The following TGFBR2 variants were observed in gnomAD, a reference collection of about 807,000 sequenced individuals.
TGFBR2 encodes transforming growth factor beta receptor 2, also known as TGF-beta receptor type-2.
A neutral mutation model predicts 49.0 loss-of-function variants in TGFBR2; 18 were observed. That is an observed-to-expected ratio of 0.37 (90% CI 0.25 to 0.54). TGFBR2 has a LOEUF of 0.54. Among genes scored for constraint, TGFBR2 ranks in the 20% least tolerant of loss-of-function variants. The pLI, the probability that TGFBR2 is intolerant of heterozygous loss-of-function variation, is 0.85. For missense variants in TGFBR2, 525 were observed against 722.6 expected (o/e 0.73, Z 3.13); for synonymous variants, 282 against 275.9 (o/e 1.02, Z -0.22).
rs760268589 is a variant in TGFBR2, at chr3:30,671,705, A to G, written c.522A>G (p.Pro174=). The change falls in exon 4 of 7, where the codon CCA becomes CCG. Residue 174 remains proline, a synonymous_variant. Transcript: ENST00000295754. Reference sequence around the variant, plus strand: ...AAGTGACAGGCATCAGCCTCCTGCCACCACTGGGAGTTGCCATATCTGTCA... The same window carrying G: ...AAGTGACAGGCATCAGCCTCCTGCCGCCACTGGGAGTTGCCATATCTGTCA... The part of the protein sequence containing the change: ...IFQVTGISLL[P]PLGVAISVII... The G allele has an allele frequency of 7.4e-6, 12 of 1,614,148 alleles. No homozygotes were observed. The highest frequency in any genetic ancestry group is 1.0e-5 in the Non-Finnish European group (12 of 1,180,024).
intron 1 of TGFBR2, among the ~76,000 whole-genome samples, chr3:30,614,643 C>G (rs771159410): frequency 1.3e-5 from 2 of 152,206 alleles, no homozygotes; most frequent in Non-Finnish European, 2.9e-5. Flanking sequence ...TTATTGAGGT[C>G]TTGCTACTGC....
At chr3:30,648,462 A>ACACACCC (rs71786414) in intron 2 of TGFBR2, among the ~76,000 whole-genome samples, 1 of 149,766 alleles carries the variant, frequency 6.7e-6, no homozygotes, top group Non-Finnish European at 1.5e-5. Flanking sequence ...ACACACACAC[A>ACACACCC]AAACTGTGGG....
At chr3:30,659,006 A>G (rs3773637) in intron 3 of TGFBR2, among the ~76,000 whole-genome samples, 103,497 of 152,104 alleles carry the variant, frequency 0.68, 35,846 homozygotes, top group Non-Finnish European at 0.74. Flanking sequence ...ATCTCATTTT[A>G]TGTTTGTTCA....
chr3:30,620,860 T>C (rs1227714006), intron 1 of TGFBR2, among the ~76,000 whole-genome samples: 1 of 152,208 alleles, frequency 6.6e-6, no homozygotes, highest in African/African-American at 2.4e-5. Flanking sequence ...TCTACCTACC[T>C]GAGGGTAAAT....
chr3:30,640,083 AGG>A (rs1698616577), intron 1 of TGFBR2, among the ~76,000 whole-genome samples: 1 of 152,208 alleles, frequency 6.6e-6, no homozygotes, highest in South Asian at 2.1e-4. Context: ...CTCTGTCTGT[AGG>A]CAGTGAGTGT....
At chr3:30,650,777 T>C (rs761572944) in intron 3 of TGFBR2, among the ~76,000 whole-genome samples, 70 of 152,320 alleles carry the variant, frequency 4.6e-4, no homozygotes, top group Middle Eastern at 3.4e-3. Context: ...TAAATGCAGA[T>C]TCTCAGGCCC....
chr3:30,643,366 C>T (rs1698677489), intron 1 of TGFBR2, among the ~76,000 whole-genome samples: 1 of 152,178 alleles, frequency 6.6e-6, no homozygotes, highest in Non-Finnish European at 1.5e-5. Context: ...GCCTAGTAGC[C>T]TTGTCATACT....
intron 3 of TGFBR2, among the ~76,000 whole-genome samples, chr3:30,658,502 C>T (rs986783990): frequency 6.6e-6 from 1 of 152,058 alleles, no homozygotes; most frequent in African/African-American, 2.4e-5. Context: ...ACTTCTGACT[C>T]AAAGTTCAAT....
intron 3 of TGFBR2, among the ~76,000 whole-genome samples, chr3:30,652,257 C>T (rs1295435708): frequency 1.6e-5 from 1 of 64,076 alleles, no homozygotes; most frequent in Non-Finnish European, 2.7e-5. Context: ...TTTTTTTTGA[C>T]GGAGTCTCAC....
At chr3:30,688,652 C>T in intron 6 of TGFBR2, 141 bp downstream of exon 6, 7 of 1,229,784 alleles carry the variant, frequency 5.7e-6, no homozygotes, top group Non-Finnish European at 8.1e-6. Flanking sequence ...GTTTATAAAG[C>T]AAATTTCAAT....
intron 1 of TGFBR2, among the ~76,000 whole-genome samples, chr3:30,613,525 TGAGAGAGAGAGA>T (rs34082216): frequency 1.3e-5 from 2 of 148,478 alleles, no homozygotes; most frequent in Non-Finnish European, 3.0e-5. Context: ...TGTCTGTATG[TGAGAGAGAGAGA>T]GAGAGAGAGA....
intron 3 of TGFBR2, among the ~76,000 whole-genome samples, chr3:30,659,140 A>T (rs1177798307): frequency 6.6e-6 from 1 of 152,154 alleles, no homozygotes; most frequent in African/African-American, 2.4e-5. Context: ...GGAACTGTGC[A>T]CTCACGCCTC....
chr3:30,622,612 T>C (rs1237014109), intron 1 of TGFBR2, among the ~76,000 whole-genome samples: 1 of 151,786 alleles, frequency 6.6e-6, no homozygotes, highest in Non-Finnish European at 1.5e-5. Context: ...GCCAGTGCAA[T>C]GGCTCAGGCC....
intron 1 of TGFBR2, 98 bp downstream of exon 1, chr3:30,607,075 C>A: frequency 9.3e-7 from 1 of 1,076,888 alleles, no homozygotes; most frequent in African/African-American, 1.6e-5. Context: ...GCAACCCGGC[C>A]CCCGGGCGGA....
chr3:30,636,873 G>C (rs867724747), intron 1 of TGFBR2, among the ~76,000 whole-genome samples: 16 of 152,032 alleles, frequency 1.1e-4, no homozygotes, highest in South Asian at 4.2e-4. Flanking sequence ...GACCATCCTG[G>C]CTAACACGGT....
intron 5 of TGFBR2, among the ~76,000 whole-genome samples, chr3:30,683,153 T>C (rs1699565399): frequency 6.6e-6 from 1 of 152,222 alleles, no homozygotes; most frequent in Non-Finnish European, 1.5e-5. Context: ...CAATATTCTT[T>C]GTCTGACTCA....
chr3:30,644,676 A>C (rs1334461428), intron 1 of TGFBR2, 71 bp from the exon 2 acceptor site: 2 of 1,438,874 alleles, frequency 1.4e-6, no homozygotes, highest in Admixed American at 3.6e-5. Context: ...ATTGCATAAC[A>C]TCTTCAGGAA....
At chr3:30,685,882 A>G (rs1289648719) in intron 5 of TGFBR2, among the ~76,000 whole-genome samples, 2 of 152,220 alleles carry the variant, frequency 1.3e-5, no homozygotes, top group East Asian at 1.9e-4. Flanking sequence ...ACAATTGAAG[A>G]TGGAAGGTCT....
chr3:30,633,951 T>C (rs2125394554), intron 1 of TGFBR2, among the ~76,000 whole-genome samples: 1 of 152,318 alleles, frequency 6.6e-6, no homozygotes, highest in South Asian at 2.1e-4. Flanking sequence ...TTTAAAGGGA[T>C]GCCTTTCCCA....
Sources: gnomAD v4.1 joint callset for allele counts (sites outside exome capture counted in the v4.1 genomes callset) on GRCh38, gnomAD v4.1.1 for gene constraint, MANE v1.5 for transcripts, NCBI Gene and HGNC (gene_info 2026-07-23, HGNC 2026-07-21) for gene names.